LNX2: variants seen among roughly 807,000 people sequenced by gnomAD.
LNX2 encodes the protein ligand of Numb protein X 2.
Under a neutral mutation model 66.2 loss-of-function variants are expected in LNX2, and 35 were observed. That is an observed-to-expected ratio of 0.53 (90% confidence interval 0.40 to 0.70). The LOEUF is 0.70. Ranked by LOEUF, LNX2 falls within the 30% of genes least tolerant of loss-of-function variation. LNX2 has a pLI of 0.00. For missense variants in LNX2, 791 were observed against 850.8 expected (o/e 0.93, Z 0.87); for synonymous variants, 337 against 315.6 (o/e 1.07, Z -0.72).
Position 27,548,341 on chromosome 13 carries a change from A to C in LNX2, c.2067T>G (p.Leu689=). The change falls in exon 10 of 10, where the codon CTT becomes CTG. Residue 689 remains leucine (L), a synonymous_variant. Coordinates refer to ENST00000316334, the MANE Select transcript of LNX2 (RefSeq NM_153371.4). ...TLTVICWPGS[L]V ...TGAAACCAATTTCCAAAATCTATACAAGGCTGCCAGGCCAACAAATAACGG... is the reference window on the plus strand; with the variant it reads ...TGAAACCAATTTCCAAAATCTATACCAGGCTGCCAGGCCAACAAATAACGG... 6.2e-7 allele frequency: 1 copy of C among 1,608,666 alleles called. No homozygotes were observed. Among genetic ancestry groups the C allele is most frequent in the Non-Finnish European group, 8.5e-7 (1 of 1,178,502 alleles).
Position 27,562,620 on chromosome 13 carries a change from T to C in LNX2, c.1017A>G (p.Gln339=), listed in dbSNP as rs1179067171. The change falls in exon 5 of 10, where the codon CAA becomes CAG. Residue 339 remains glutamine, a synonymous_variant. Coordinates refer to ENST00000316334, the MANE Select transcript of LNX2 (RefSeq NM_153371.4). ...CAGAGTCCCGTTTATGAAGAGCCAC[T>C]TGGAAAATCTCTTCTCGTGGAGAGT... ...DSNSPREEIF[Q]VALHKRDSGE... is the part of the protein sequence containing the mutation. 1 of 1,614,028 alleles carries C rather than the reference T, an allele frequency of 6.2e-7. No individual in the cohort carries two copies. The highest frequency in any genetic ancestry group is 1.3e-5 in the African/African-American group (1 of 74,914).
chr13:27,568,225 T>C (rs1342309469), intron 3 of LNX2, among the ~76,000 whole-genome samples: 2 of 152,072 alleles, frequency 1.3e-5, no homozygotes, highest in Non-Finnish European at 2.9e-5. Context: ...ACAGCACAGG[T>C]GTTGAGAGAG....
In LNX2 at chr13:27,568,072, C is replaced by T. The variant is rs572166911; in HGVS notation, c.656-233G>A. 3.9e-5 allele frequency among the ~76,000 whole-genome samples: 6 copies of T among 152,220 alleles called. No homozygotes were observed. The Middle Eastern group carries it at 0.017, about 431-fold the overall frequency. ...AATAAATAGCTACTATGTATCAGAT[C>T]ACTAGGGACGACACAGTGATCTGAT... is the stretch of plus-strand genomic sequence containing the variant. On this transcript the variant is annotated intron_variant, in intron 3 of 9. Coordinates refer to ENST00000316334, the MANE Select transcript of LNX2 (RefSeq NM_153371.4).
At chr13:27,550,611 T>C in intron 8 of LNX2, 120 bp from the exon 9 acceptor site, 1 of 673,576 alleles carries the variant, frequency 1.5e-6, no homozygotes, top group Non-Finnish European at 2.5e-6. Flanking sequence ...AAAAGGGCTA[T>C]TAATAAATAG....
chr13:27,605,447 G>A (rs781333279), intron 1 of LNX2, among the ~76,000 whole-genome samples: 6 of 152,086 alleles, frequency 3.9e-5, no homozygotes, highest in Non-Finnish European at 8.8e-5. Context: ...CTCTTCATTG[G>A]CCAACTATGT....
intron 1 of LNX2, 39 bp downstream of exon 1, chr13:27,620,336 G>A (rs966453056): frequency 3.3e-5 from 5 of 152,360 alleles, no homozygotes; most frequent in Admixed American, 3.3e-4. Flanking sequence ...CAGCCAGCGA[G>A]AGGGCGCGCA....
intron 1 of LNX2, among the ~76,000 whole-genome samples, chr13:27,602,191 C>CCT (rs1461375145): frequency 6.6e-6 from 1 of 152,084 alleles, no homozygotes; most frequent in Non-Finnish European, 1.5e-5. Flanking sequence ...AATCATCCTA[C>CCT]CTCAGCCTCC....
chr13:27,596,351 TTGAG>T (rs1430136748), intron 1 of LNX2, among the ~76,000 whole-genome samples: 7 of 152,310 alleles, frequency 4.6e-5, no homozygotes, highest in East Asian at 1.9e-4. Flanking sequence ...CCATTCACAA[TTGAG>T]TGAGATGTAA....
intron 2 of LNX2, among the ~76,000 whole-genome samples, chr13:27,575,605 C>T (rs1955333304): frequency 6.6e-6 from 1 of 152,100 alleles, no homozygotes; most frequent in Admixed American, 6.5e-5. Flanking sequence ...GTTCTCAGAC[C>T]TTCTGACTGA....
intron 1 of LNX2, among the ~76,000 whole-genome samples, chr13:27,619,262 T>C (rs1166652000): frequency 2.2e-5 from 3 of 133,822 alleles, no homozygotes; most frequent in Non-Finnish European, 5.1e-5. Flanking sequence ...CAACAAAGCT[T>C]TGACAAGCCA....
intron 2 of LNX2, among the ~76,000 whole-genome samples, chr13:27,572,024 C>T (rs1203697919): frequency 1.3e-5 from 2 of 152,212 alleles, no homozygotes; most frequent in African/African-American, 4.8e-5. Context: ...CAAACAAACT[C>T]AGATCTAATT....
chr13:27,552,400 A>G (rs991957815), intron 8 of LNX2, among the ~76,000 whole-genome samples: 1 of 152,242 alleles, frequency 6.6e-6, no homozygotes, highest in African/African-American at 2.4e-5. Flanking sequence ...AATGTATCCC[A>G]CGAGTCAGGT....
intron 1 of LNX2, among the ~76,000 whole-genome samples, chr13:27,597,935 A>G (rs928355509): frequency 2.0e-5 from 3 of 152,168 alleles, no homozygotes; most frequent in Non-Finnish European, 4.4e-5. Flanking sequence ...AAATATAAGA[A>G]TTTCCTGGTA....
intron 1 of LNX2, among the ~76,000 whole-genome samples, chr13:27,584,122 C>A (rs571803705): frequency 2.0e-5 from 3 of 152,174 alleles, no homozygotes; most frequent in Non-Finnish European, 2.9e-5. Context: ...TAGAACTTAG[C>A]GTGCCTGCCA....
At chr13:27,552,844 G>T (rs1313229563) in intron 8 of LNX2, among the ~76,000 whole-genome samples, 2 of 152,200 alleles carry the variant, frequency 1.3e-5, no homozygotes, top group African/African-American at 4.8e-5. Context: ...CTTCTGGGAT[G>T]GGGGGAAGCC....
Position 27,581,398 on chromosome 13 carries a change from T to C in LNX2, c.306A>G (p.Leu102=), listed in dbSNP as rs767763987. 1.9e-6 allele frequency: 3 copies of C among 1,602,308 alleles called. No individual in the cohort carries two copies. In the South Asian group the frequency reaches 3.3e-5, roughly 18 times the overall value. The stretch of plus-strand genomic sequence containing the variant: ...ATAATTTGTCTAGGAGTTTATGAAC[T>C]AGAATACTAGACTTCTTGCACAACT... The part of the protein sequence containing the change: ...HFKLCKKSSI[L]VHKLLDKLLV... The change falls in exon 2 of 10, where the codon CTA becomes CTG. Residue 102 remains leucine, a synonymous_variant. Coordinates refer to ENST00000316334, the MANE Select transcript of LNX2 (RefSeq NM_153371.4).
At chr13:27,610,075 T>C (rs1303444095) in intron 1 of LNX2, among the ~76,000 whole-genome samples, 1 of 152,368 alleles carries the variant, frequency 6.6e-6, no homozygotes, top group East Asian at 1.9e-4. Context: ...CTAATTGCTA[T>C]GGACACTTGA....
chr13:27,553,345 A>G lies in LNX2; in HGVS notation c.1641T>C (p.Ala547=), dbSNP rs752843155. The G allele has an allele frequency of 1.5e-5, 25 of 1,614,088 alleles. No individual in the cohort carries two copies. The highest frequency in any genetic ancestry group is 1.6e-5 in the Non-Finnish European group (19 of 1,180,050). The change falls in exon 8 of 10, where the codon GCT becomes GCC. Residue 547 remains alanine, a synonymous_variant. Transcript: ENST00000316334. ...GGACCTCAAGTGCTTTAAGGGCAACAGCAGGGGACGCGGCACTGGCTTTCA... is the reference window on the plus strand; with the variant it reads ...GGACCTCAAGTGCTTTAAGGGCAACGGCAGGGGACGCGGCACTGGCTTTCA... ...AMLKASAASP[A]VALKALEVQI...
In LNX2 at chr13:27,548,476, CAA is replaced by C. The variant is rs2138303304; in HGVS notation, c.1938-8_1938-7del. On this transcript the variant is annotated splice_region_variant and splice_polypyrimidine_tract_variant and intron_variant, in intron 9 of 9. Transcript: ENST00000316334. The stretch of plus-strand genomic sequence containing the variant: ...CCACAATCATGTCACCACACCTGGA[CAA>C]AGAGAGACAGATACAGAATGTTACT... 1 of 1,607,470 alleles carries C rather than the reference CAA, an allele frequency of 6.2e-7. No individual in the cohort carries two copies. The highest frequency in any genetic ancestry group is 2.2e-5 in the East Asian group (1 of 44,810).
Sources: allele counts gnomAD v4.1 joint callset (sites outside exome capture counted in the v4.1 genomes callset), GRCh38; gene constraint gnomAD v4.1.1; transcripts MANE v1.5; gene names NCBI Gene and HGNC (gene_info 2026-07-23, HGNC 2026-07-21).